The following GPATCH2 variants were observed in gnomAD, a reference collection of about 807,000 sequenced individuals.
The protein encoded by GPATCH2 is G-patch domain containing 2.
Under a neutral mutation model 58.0 loss-of-function variants are expected in GPATCH2, and 51 were observed. That is an observed-to-expected ratio of 0.88 (90% CI 0.70 to 1.11). The LOEUF (loss-of-function observed/expected upper bound fraction) is 1.11, where lower values mean the gene tolerates loss of function less well. GPATCH2 is among the 50% of genes most tolerant of loss of function. The pLI is 0.00. For synonymous variants in GPATCH2, 222 were observed against 218.5 expected (o/e 1.02, Z -0.14); for missense variants, 625 against 652.2 (o/e 0.96, Z 0.45).
chr1:217,593,920 A>C (rs1022842565), intron 5 of GPATCH2, among the ~76,000 whole-genome samples: 2 of 152,118 alleles, frequency 1.3e-5, no homozygotes, highest in Non-Finnish European at 2.9e-5. Flanking sequence ...AAAATTAAAG[A>C]TTAAAACAGG....
rs1203231631 is a variant in GPATCH2, at chr1:217,610,925, C to T, written c.982G>A (p.Gly328Ser). 3.7e-6 allele frequency: 6 copies of T among 1,613,440 alleles called. No individual in the cohort carries two copies. In the East Asian group the frequency reaches 8.9e-5, roughly 24 times the overall value. The change falls in exon 4 of 10, where the codon GGT (glycine) becomes AGT (serine). Residue 328 changes from glycine (G) to serine (S), a missense_variant. By Grantham distance (56) the Gly-to-Ser change is moderately conservative. Coordinates refer to ENST00000366935, the MANE Select transcript of GPATCH2 (RefSeq NM_018040.5). Reference protein sequence around the residue: ...PDPVFESILTGSFPLMSHPSR... With the variant: ...PDPVFESILTSSFPLMSHPSR... ...GGGTGTGACATAAGGGGAAAAGAAC[C>T]AGTTAAGATACTTTCAAAGACAGGA...
chr1:217,609,390 A>C, intron 5 of GPATCH2: 1 of 984,314 alleles, frequency 1.0e-6, no homozygotes, highest in Non-Finnish European at 1.2e-6. Flanking sequence ...CTAAACCAAA[A>C]TAATAATTTT....
At chr1:217,604,237 G>C (rs1226023505) in intron 5 of GPATCH2, among the ~76,000 whole-genome samples, 1 of 151,556 alleles carries the variant, frequency 6.6e-6, no homozygotes, top group African/African-American at 2.4e-5. Flanking sequence ...TGTAGTCTCA[G>C]TTACTAGGGA....
chr1:217,615,540 A>G lies in GPATCH2; in HGVS notation c.774-1338T>C, dbSNP rs151040645. On this transcript the variant is annotated intron_variant, in intron 2 of 9. Coordinates refer to ENST00000366935, the MANE Select transcript of GPATCH2 (RefSeq NM_018040.5). ...CTGACATTTCGCTGTCTAAACTACT[A>G]TTGATACTTTCCTCTTTCCTGTGTG... 4.6e-3 allele frequency among the ~76,000 whole-genome samples: 706 copies of G among 152,172 alleles called. 3 individuals are homozygous for G. The highest frequency in any genetic ancestry group is 5.4e-3 in the Non-Finnish European group (368 of 67,970).
chr1:217,572,609 G>T (rs1173920071), intron 5 of GPATCH2, among the ~76,000 whole-genome samples: 1 of 152,078 alleles, frequency 6.6e-6, no homozygotes, highest in African/African-American at 2.4e-5. Context: ...TTTGCCCAAG[G>T]CCCCAAAGTG....
intron 5 of GPATCH2, among the ~76,000 whole-genome samples, chr1:217,604,442 T>C (rs1668262616): frequency 6.6e-6 from 1 of 152,022 alleles, no homozygotes; most frequent in Admixed American, 6.6e-5. Context: ...GATCAGAATA[T>C]ACATGACATA....
chr1:217,531,016 C>T (rs536551925), intron 5 of GPATCH2, among the ~76,000 whole-genome samples: 10 of 151,670 alleles, frequency 6.6e-5, no homozygotes, highest in Non-Finnish European at 1.0e-4. Context: ...ATAAAGGGAA[C>T]GCACCTCCTC....
In GPATCH2 at chr1:217,620,302, C is replaced by T. The variant is rs1488636118; in HGVS notation, c.254G>A (p.Gly85Asp). Residue 85 changes from glycine to aspartate, a missense_variant, in exon 2 of 10, where the codon GGT becomes GAT. Physicochemically the swap from Gly to Asp is moderately conservative, Grantham distance 94. Coordinates refer to ENST00000366935, the MANE Select transcript of GPATCH2 (RefSeq NM_018040.5). ...ATCAGAGCCTTCACTTAAGCAGTGACCAGTCTCCCACGGGTGATGCACATT... is the reference window on the plus strand; with the variant it reads ...ATCAGAGCCTTCACTTAAGCAGTGATCAGTCTCCCACGGGTGATGCACATT... ...SYNVHHPWET[G>D]HCLSEGSDSS... 1.9e-6 allele frequency: 3 copies of T among 1,614,068 alleles called. No homozygotes were observed. The highest frequency in any genetic ancestry group is 1.7e-6 in the Non-Finnish European group (2 of 1,179,990).
At chr1:217,563,992 T>C (rs926509701) in intron 5 of GPATCH2, among the ~76,000 whole-genome samples, 1 of 129,168 alleles carries the variant, frequency 7.7e-6, no homozygotes, top group Non-Finnish European at 1.5e-5. Flanking sequence ...AGTGGTGAGC[T>C]GAGATCGCGG....
intron 5 of GPATCH2, among the ~76,000 whole-genome samples, chr1:217,572,578 T>C (rs1666620235): frequency 6.6e-6 from 1 of 152,156 alleles, no homozygotes; most frequent in Non-Finnish European, 1.5e-5. Flanking sequence ...GAAAACAGAA[T>C]CTTATTAAAG....
chr1:217,605,334 T>C (rs1668303636), intron 5 of GPATCH2, among the ~76,000 whole-genome samples: 1 of 152,230 alleles, frequency 6.6e-6, no homozygotes, highest in African/African-American at 2.4e-5. Context: ...TACAGCATGA[T>C]AAATTGGATT....
At chr1:217,569,673 C>T (rs746272577) in intron 5 of GPATCH2, among the ~76,000 whole-genome samples, 2 of 151,852 alleles carry the variant, frequency 1.3e-5, no homozygotes, top group Admixed American at 6.6e-5. Context: ...ACAGACTGGG[C>T]GACGAGAGCA....
chr1:217,494,998 T>C, intron 7 of GPATCH2: 1 of 240,884 alleles, frequency 4.2e-6, no homozygotes, highest in Non-Finnish European at 6.7e-6. Context: ...GTGAATATGG[T>C]GCGAAGTGCT....
intron 2 of GPATCH2, among the ~76,000 whole-genome samples, chr1:217,615,256 C>T (rs530062922): frequency 1.3e-5 from 2 of 151,830 alleles, no homozygotes; most frequent in South Asian, 4.2e-4. Flanking sequence ...TGTTTCTGTT[C>T]GATTTCTTAA....
At chr1:217,606,718 G>A (rs1668377685) in intron 5 of GPATCH2, among the ~76,000 whole-genome samples, 1 of 152,052 alleles carries the variant, frequency 6.6e-6, no homozygotes, top group Non-Finnish European at 1.5e-5. Flanking sequence ...TCCAGCCTGG[G>A]CAACAGAGCA....
chr1:217,607,638 A>AC (rs1668423581), intron 5 of GPATCH2, among the ~76,000 whole-genome samples: 1 of 152,168 alleles, frequency 6.6e-6, no homozygotes, highest in South Asian at 2.1e-4. Flanking sequence ...AAATGTTGTG[A>AC]CCAGAGGCTT....
chr1:217,475,878 A>C (rs1238793620), intron 8 of GPATCH2, among the ~76,000 whole-genome samples: 2 of 152,152 alleles, frequency 1.3e-5, no homozygotes, highest in African/African-American at 4.8e-5. Context: ...AGGGCACATA[A>C]AATCCCACAC....
chr1:217,481,458 T>G (rs921104153), intron 8 of GPATCH2, among the ~76,000 whole-genome samples: 2 of 152,148 alleles, frequency 1.3e-5, no homozygotes, highest in African/African-American at 2.4e-5. Flanking sequence ...AATTAGAGAA[T>G]GGTAAAGAAT....
chr1:217,614,404 C>G (rs573058114), intron 2 of GPATCH2, among the ~76,000 whole-genome samples: 1 of 151,830 alleles, frequency 6.6e-6, no homozygotes, highest in South Asian at 2.1e-4. Context: ...GCACATAAAA[C>G]CACAGGAATC....
Sources: allele counts gnomAD v4.1 joint callset (sites outside exome capture counted in the v4.1 genomes callset), GRCh38; gene constraint gnomAD v4.1.1; transcripts MANE v1.5; gene names NCBI Gene and HGNC (gene_info 2026-07-23, HGNC 2026-07-21).